ZNF318: variants seen among roughly 807,000 people sequenced by gnomAD.
The protein encoded by ZNF318 is endocrine regulator.
A neutral mutation model predicts 124.2 loss-of-function variants in ZNF318; 51 were observed. The observed-to-expected ratio is 0.41, with a 90% CI of 0.33 to 0.52. ZNF318 has a LOEUF of 0.52. Among genes scored for constraint, ZNF318 ranks in the 20% least tolerant of loss-of-function variants. The pLI is 0.23. For missense variants in ZNF318, 2,815 were observed against 2,811.2 expected (o/e 1.00, Z -0.03); for synonymous variants, 1,090 against 1,040.7 (o/e 1.05, Z -0.91).
Position 43,339,573 on chromosome 6 carries a change from T to C in ZNF318, c.4425A>G (p.Pro1475=), listed in dbSNP as rs752668350. The C allele has an allele frequency of 6.3e-7, 1 of 1,596,516 alleles. No homozygotes were observed. The highest frequency in any genetic ancestry group is 1.7e-5 in the Admixed American group (1 of 57,940). ...GAGATACAACTGGGTTTGATTTTAC[T>C]GGAGCCAAGATAGCATTTGCTTGAG... ...SAAQANAILA[P]VKSNPVVSQT... Residue 1475 remains proline (P), a synonymous_variant, in exon 10 of 10, where the codon CCA becomes CCG. Transcript: ENST00000361428. The surrounding 1 kb of genome is among the most constrained non-coding windows in gnomAD (Gnocchi z 4.2).
In ZNF318 at chr6:43,357,442, C is replaced by T. The variant is rs915734186; in HGVS notation, c.872G>A (p.Ser291Asn). ...KINSMGGDHPSFTSGTRNYRQ... is the reference protein window; with the variant it reads ...KINSMGGDHPNFTSGTRNYRQ... ...ATAGTTGCGAGTTCCTGATGTAAAA[C>T]TTGGGTGATCCCCTCCCATGCTGTT... The change falls in exon 3 of 10, where the codon AGT becomes AAT. Residue 291 changes from serine (S) to asparagine (N), a missense_variant. Physicochemically the swap from Ser to Asn is conservative, Grantham distance 46. Around this residue, in one of 4 missense-constraint regions of ZNF318, gnomAD observed 1,377 missense variants for 1,353.5 expected, o/e 1.02. Coordinates refer to ENST00000361428, the MANE Select transcript of ZNF318 (RefSeq NM_014345.3). The T allele has an allele frequency of 6.2e-7, 1 of 1,614,044 alleles. No homozygotes were observed. Among genetic ancestry groups the T allele is most frequent in the African/African-American group, 1.3e-5 (1 of 74,900 alleles).
intron 5 of ZNF318, among the ~76,000 whole-genome samples, chr6:43,349,040 C>G (rs986338417): frequency 6.6e-6 from 1 of 152,114 alleles, no homozygotes; most frequent in Non-Finnish European, 1.5e-5. Flanking sequence ...TCTCAAAAAA[C>G]AATTTTTTTT....
rs1779548389 is a variant in ZNF318 at position 43,352,837 on chromosome 6, G to T, written c.2671-361C>A. 2.0e-5 allele frequency among the ~76,000 whole-genome samples: 3 copies of T among 152,330 alleles called. No individual in the cohort carries two copies. The South Asian group carries it at 6.2e-4, about 32-fold the overall frequency. On this transcript the variant is annotated intron_variant, in intron 4 of 9. Coordinates refer to ENST00000361428, the MANE Select transcript of ZNF318 (RefSeq NM_014345.3). ...ATGTTGTTTATTTTCACTGCTCCTTGCAAACCAGGGATAACCCATAGGCAG... is the reference window on the plus strand; with the variant it reads ...ATGTTGTTTATTTTCACTGCTCCTTTCAAACCAGGGATAACCCATAGGCAG...
At chr6:43,359,061 T>A (rs1779648300) in intron 2 of ZNF318, among the ~76,000 whole-genome samples, 1 of 152,212 alleles carries the variant, frequency 6.6e-6, no homozygotes. Flanking sequence ...TGGTAACTTT[T>A]AAAAAAACTA....
intron 4 of ZNF318, among the ~76,000 whole-genome samples, chr6:43,353,376 CTTTTT>C (rs11435695): frequency 0.19 from 27,314 of 142,022 alleles, 3,385 homozygotes; most frequent in African/African-American, 0.36. Flanking sequence ...TTCTTCAGAA[CTTTTT>C]TTTTTTTTTT....
rs9394947 is a variant in ZNF318, at chr6:43,363,247, A to G, written c.548+2045T>C. Among the ~76,000 whole-genome samples the G allele has an allele frequency of 5.8e-3, 887 of 152,330 alleles. 24 individuals carry two copies. The East Asian group carries it at 0.068, about 12-fold the overall frequency. ...TAACTCAAAACCTCAGCAAAGAATG[A>G]AGACAATCACACTATGTACCACCTA... On this transcript the variant is annotated intron_variant, in intron 2 of 9. Coordinates refer to ENST00000361428, the MANE Select transcript of ZNF318 (RefSeq NM_014345.3).
rs756816554 is a variant in ZNF318 at position 43,354,857 on chromosome 6, T to C, written c.2477A>G (p.Lys826Arg). 7.2e-5 allele frequency: 117 copies of C among 1,614,034 alleles called. No homozygotes were observed. The highest frequency in any genetic ancestry group is 8.8e-5 in the Non-Finnish European group (104 of 1,180,028). The change falls in exon 4 of 10, where the codon AAA becomes AGA. Residue 826 changes from lysine to arginine, a missense_variant. Physicochemically the swap from Lys to Arg is conservative, Grantham distance 26. Around this residue, in one of 4 missense-constraint regions of ZNF318, gnomAD observed 1,377 missense variants for 1,353.5 expected, o/e 1.02. Coordinates refer to ENST00000361428, the MANE Select transcript of ZNF318 (RefSeq NM_014345.3). ...ATTGGGACGGCTACGAGTAGCTTGT[T>C]TGGTTATTGGCATTATCCTGTGTGG... is the stretch of plus-strand genomic sequence containing the variant. ...PEPHRIMPIT[K>R]QATRSRPNLR...
rs140165940 is a variant in ZNF318, at chr6:43,339,632, G to C, written c.4366C>G (p.Pro1456Ala). 324 of 1,612,742 alleles carry C rather than the reference G, an allele frequency of 2.0e-4. No homozygotes were observed. The highest frequency in any genetic ancestry group is 1.4e-3 in the Admixed American group (82 of 59,904). ...GGGGCAGCTGGATGAGGTATAACGG[G>C]GGGTGGTGGAGGTGGTGGAGGTGGG... The part of the protein sequence containing the change: ...PPPPPPPPPP[P>A]VIPHPAAPSA... Residue 1456 changes from proline to alanine, a missense_variant, in exon 10 of 10, where the codon CCC (proline) becomes GCC (alanine). Pro to Ala is a conservative substitution (Grantham distance 27). This residue lies in a region of ZNF318 where 500 missense variants were observed against 605.2 expected (regional missense o/e 0.83). Transcript: ENST00000361428. The surrounding 1 kb of genome is among the most constrained non-coding windows in gnomAD (Gnocchi z 4.2).
At position 43,354,858 on chromosome 6, in the gene ZNF318, T is replaced by C; in HGVS notation, c.2476A>G (p.Lys826Glu). 1 of 1,614,156 alleles carries C rather than the reference T, an allele frequency of 6.2e-7. No individual in the cohort carries two copies. Among genetic ancestry groups the C allele is most frequent in the Non-Finnish European group, 8.5e-7 (1 of 1,180,018 alleles). Residue 826 changes from lysine (K) to glutamate (E), a missense_variant, in exon 4 of 10, where the codon AAA becomes GAA. This residue lies in a region of ZNF318 where 1,377 missense variants were observed against 1,353.5 expected (regional missense o/e 1.02). Coordinates refer to ENST00000361428, the MANE Select transcript of ZNF318 (RefSeq NM_014345.3). ...PEPHRIMPIT[K>E]QATRSRPNLR... ...TTGGGACGGCTACGAGTAGCTTGTT[T>C]GGTTATTGGCATTATCCTGTGTGGT...
intron 2 of ZNF318, among the ~76,000 whole-genome samples, chr6:43,360,554 ATT>A (rs1779667207): frequency 6.6e-6 from 1 of 152,238 alleles, no homozygotes; most frequent in South Asian, 2.1e-4. Flanking sequence ...TCACTGTACT[ATT>A]CTACATTTTT....
chr6:43,369,269 A>G lies in ZNF318; in HGVS notation c.97T>C (p.Ser33Pro). Residue 33 changes from serine (S) to proline (P), a missense_variant, in exon 1 of 10, where the codon TCA (serine) becomes CCA (proline). Coordinates refer to ENST00000361428, the MANE Select transcript of ZNF318 (RefSeq NM_014345.3). The part of the protein sequence containing the change: ...PRSGRSSGSS[S>P]GPARRSSPPP... ...GGTGAGCTGCGGCGAGCCGGGCCTGAGGAGGAGCCAGAGCTGCGGCCGCTG... is the reference window on the plus strand; with the variant it reads ...GGTGAGCTGCGGCGAGCCGGGCCTGGGGAGGAGCCAGAGCTGCGGCCGCTG... The G allele has an allele frequency of 7.7e-7, 1 of 1,305,932 alleles. No individual in the cohort carries two copies. Among genetic ancestry groups the G allele is most frequent in the Non-Finnish European group, 9.8e-7 (1 of 1,024,612 alleles). The allele number at this position is 1,305,932 out of a possible 1,614,324, so 80.9% of individuals were successfully genotyped here.
In ZNF318 at chr6:43,355,108, C is replaced by T. The variant is rs781414666; in HGVS notation, c.2226G>A (p.Leu742=). The change falls in exon 4 of 10, where the codon TTG becomes TTA. Residue 742 remains leucine (L), a synonymous_variant. Transcript: ENST00000361428. ...FQSSVAVRCM[L]PSAPSAPIRL... ...TAATTGGGGCAGATGGGGCTGATGG[C>T]AACATGCACCTGACTGCAACAGATG... 6 of 1,614,180 alleles carry T rather than the reference C, an allele frequency of 3.7e-6. No individual in the cohort carries two copies. In the East Asian group the frequency reaches 1.3e-4, roughly 36 times the overall value.
chr6:43,340,840 T>C lies in ZNF318; in HGVS notation c.3445A>G (p.Ile1149Val), dbSNP rs201647570. Residue 1149 changes from isoleucine to valine, a missense_variant, in exon 9 of 10, where the codon ATT becomes GTT. Around this residue, in one of 4 missense-constraint regions of ZNF318, gnomAD observed 500 missense variants for 605.2 expected, o/e 0.83. Coordinates refer to ENST00000361428, the MANE Select transcript of ZNF318 (RefSeq NM_014345.3). ...CCCTTCACATGTTGCTCCCCAGAAA[T>C]TGGATCCCCCAAAAATTCCTCACAG... ...QLCEEFLGDPISGEQHVKGHQ... is the reference protein window; with the variant it reads ...QLCEEFLGDPVSGEQHVKGHQ... 1.4e-5 allele frequency: 22 copies of C among 1,614,160 alleles called. No individual in the cohort carries two copies. The South Asian group carries it at 1.5e-4, about 11-fold the overall frequency.
chr6:43,358,183 A>G (rs966994082), intron 2 of ZNF318, among the ~76,000 whole-genome samples: 1 of 152,204 alleles, frequency 6.6e-6, no homozygotes, highest in Non-Finnish European at 1.5e-5. Context: ...TCTGCATTTT[A>G]ACAAGATCTC....
chr6:43,348,470 C>T lies in ZNF318; in HGVS notation c.2926G>A (p.Val976Met). Residue 976 changes from valine to methionine, a missense_variant, in exon 6 of 10, where the codon GTG (valine) becomes ATG (methionine). Around this residue, in one of 4 missense-constraint regions of ZNF318, gnomAD observed 1,377 missense variants for 1,353.5 expected, o/e 1.02. Coordinates refer to ENST00000361428, the MANE Select transcript of ZNF318 (RefSeq NM_014345.3). ...ATGTTAATTCCCAAGATCTGAGCCA[C>T]TTTGTCCAGTTCAGATTGCTTCTTT... The part of the protein sequence containing the change: ...AEKKQSELDK[V>M]AQILGINIFD... 1 of 1,614,162 alleles carries T rather than the reference C, an allele frequency of 6.2e-7. No individual in the cohort carries two copies. Among genetic ancestry groups the T allele is most frequent in the South Asian group, 1.1e-5 (1 of 91,084 alleles).
In ZNF318 at chr6:43,348,437, T is replaced by G; in HGVS notation, c.2959A>C (p.Lys987Gln). The G allele has an allele frequency of 6.2e-7, 1 of 1,614,198 alleles. No individual in the cohort carries two copies. The change falls in exon 6 of 10, where the codon AAA becomes CAA. Residue 987 changes from lysine to glutamine, a missense_variant. Around this residue, in one of 4 missense-constraint regions of ZNF318, gnomAD observed 1,377 missense variants for 1,353.5 expected, o/e 1.02. Coordinates refer to ENST00000361428, the MANE Select transcript of ZNF318 (RefSeq NM_014345.3). ...AQILGINIFD[K>Q]SQKSLSDSRE... Reference sequence around the variant, plus strand: ...CTGTCACTTAAAGACTTCTGGGATTTATCGAAGATGTTAATTCCCAAGATC... The same window carrying G: ...CTGTCACTTAAAGACTTCTGGGATTGATCGAAGATGTTAATTCCCAAGATC...
intron 2 of ZNF318, chr6:43,364,331 GA>G (rs34131739): frequency 0.17 from 25,360 of 147,678 alleles, 2,173 homozygotes; most frequent in African/African-American, 0.33. Context: ...AATTAAGCCT[GA>G]AAAAAAAAAA....
intron 1 of ZNF318, among the ~76,000 whole-genome samples, chr6:43,366,989 C>G (rs973611149): frequency 7.2e-5 from 11 of 152,066 alleles, no homozygotes; most frequent in African/African-American, 2.7e-4. Context: ...GTAGCTGGGA[C>G]TACAGGTGCC....
Position 43,340,388 on chromosome 6 carries a change from G to A in ZNF318, c.3610C>T (p.Leu1204Phe). 1 of 1,613,912 alleles carries A rather than the reference G, an allele frequency of 6.2e-7. No homozygotes were observed. The highest frequency in any genetic ancestry group is 1.1e-5 in the South Asian group (1 of 91,072). The change falls in exon 10 of 10, where the codon CTT (leucine) becomes TTT (phenylalanine). Residue 1204 changes from leucine (L) to phenylalanine (F), a missense_variant. Leu to Phe is a conservative substitution (Grantham distance 22). Around this residue, in one of 4 missense-constraint regions of ZNF318, gnomAD observed 500 missense variants for 605.2 expected, o/e 0.83. Transcript: ENST00000361428. ...TTCTCCTCCTTTGGTTTCTCACTAA[G>A]TTTGCGCTTTAGCTCACTCTGCCGT... is the stretch of plus-strand genomic sequence containing the variant. ...RRRQSELKRKLSEKPKEEKKE... is the reference protein window; with the variant it reads ...RRRQSELKRKFSEKPKEEKKE...
Sources: gnomAD v4.1 joint callset for allele counts (sites outside exome capture counted in the v4.1 genomes callset) on GRCh38, gnomAD v4.1.1 for gene constraint, gnomAD v4.1.1 regional missense constraint, Gnocchi (gnomAD v3.1) non-coding constraint, MANE v1.5 for transcripts, NCBI Gene and HGNC (gene_info 2026-07-23, HGNC 2026-07-21) for gene names.